The following CACNA1A variants were observed in gnomAD, a reference collection of about 807,000 sequenced individuals.
CACNA1A encodes voltage-dependent P/Q-type calcium channel subunit alpha-1A.
A neutral mutation model predicts 262.4 loss-of-function variants in CACNA1A; 57 were observed. That is an observed-to-expected ratio of 0.22 (90% CI 0.18 to 0.27). CACNA1A has a LOEUF of 0.27. CACNA1A is among the 10% of genes least tolerant of loss of function. The probability of loss-of-function intolerance (pLI) is 1.00; values close to 1 mark genes in which losing one functional copy is unlikely to be tolerated. For synonymous variants in CACNA1A, 1,431 were observed against 1,419.3 expected (o/e 1.01, Z -0.18); for missense variants, 2,526 against 3,562.8 (o/e 0.71, Z 7.41).
chr19:13,399,436 A>G (rs1599369171), intron 3 of CACNA1A, among the ~76,000 whole-genome samples: 1 of 116,880 alleles, frequency 8.6e-6, no homozygotes, highest in Non-Finnish European at 1.5e-5. Context: ...GAGAAAAGGA[A>G]AAAAAAAAAA....
chr19:13,269,398 G>A (rs1014329514), intron 24 of CACNA1A, among the ~76,000 whole-genome samples: 4 of 152,176 alleles, frequency 2.6e-5, no homozygotes, highest in Admixed American at 6.5e-5. Context: ...TGGGTATCTC[G>A]CACTCTAATC....
intron 38 of CACNA1A, among the ~76,000 whole-genome samples, chr19:13,216,647 TTATCTATCTATCTATC>T (rs71168686): frequency 1.6e-3 from 233 of 149,348 alleles, no homozygotes; most frequent in South Asian, 2.1e-3. Flanking sequence ...TTTTAAAAAT[TTATCTATCTATCTATC>T]TATCTATCTA....
chr19:13,434,188 G>A (rs573344337), intron 3 of CACNA1A, among the ~76,000 whole-genome samples: 5 of 152,134 alleles, frequency 3.3e-5, no homozygotes, highest in African/African-American at 4.8e-5. Flanking sequence ...ATAAGTTTTC[G>A]CCCTGTCACC....
At chr19:13,466,155 T>A (rs750330086) in intron 1 of CACNA1A, among the ~76,000 whole-genome samples, 1 of 152,094 alleles carries the variant, frequency 6.6e-6, no homozygotes, top group African/African-American at 2.4e-5. Context: ...AAATGGTTAA[T>A]TTTCTGTTAT....
intron 25 of CACNA1A, chr19:13,262,394 C>G (rs577099703): frequency 4.9e-5 from 10 of 204,304 alleles, no homozygotes; most frequent in African/African-American, 2.3e-4. Flanking sequence ...GATGAAAAGT[C>G]AAAATTTTAT....
intron 24 of CACNA1A, chr19:13,275,608 C>G (rs1359641107): frequency 1.3e-5 from 7 of 542,662 alleles, no homozygotes; most frequent in Non-Finnish European, 2.3e-5. Context: ...GTGGCTGAGG[C>G]CCGTTGCTGT....
intron 28 of CACNA1A, among the ~76,000 whole-genome samples, chr19:13,255,749 C>G (rs1292991089): frequency 1.7e-5 from 2 of 115,266 alleles, no homozygotes; most frequent in Non-Finnish European, 3.6e-5. Flanking sequence ...CCCTCCCTCC[C>G]TCCTTCCCTC....
Position 13,207,854 on chromosome 19 carries a change from A to G in CACNA1A, c.6980T>C (p.Val2327Ala). ...QQQQQQQQQA[V>A]ARPGRAATSG... is the part of the protein sequence containing the mutation. ...GGTGGCCGCCCGGCCCGGCCTGGCC[A>G]CCGCCTGCTGCTGCTGCTGCTGCTG... is the stretch of plus-strand genomic sequence containing the variant. The change falls in exon 47 of 47, where the codon GTG becomes GCG. Residue 2327 changes from valine (V) to alanine (A), a missense_variant. Coordinates refer to ENST00000360228, the MANE Select transcript of CACNA1A (RefSeq NM_001127222.2). The surrounding 1 kb of genome is among the most constrained non-coding windows in gnomAD (Gnocchi z 5.7). 1 of 1,437,416 alleles carries G rather than the reference A, an allele frequency of 7.0e-7. No homozygotes were observed. The highest frequency in any genetic ancestry group is 9.1e-7 in the Non-Finnish European group (1 of 1,103,552). 89.0% of individuals were successfully genotyped at this position (1,437,416 alleles called of 1,614,324 possible). A position where few individuals can be genotyped will look rare whatever the true frequency, so the allele number is the denominator to read the frequency against.
chr19:13,490,525 C>T (rs1980635173), intron 1 of CACNA1A, among the ~76,000 whole-genome samples: 1 of 151,940 alleles, frequency 6.6e-6, no homozygotes, highest in Non-Finnish European at 1.5e-5. Flanking sequence ...ATTGCTTGAA[C>T]CGGGAGGCAG....
chr19:13,208,571 G>T (rs1476293547), intron 46 of CACNA1A, among the ~76,000 whole-genome samples, 185 bp downstream of exon 46: 10 of 152,110 alleles, frequency 6.6e-5, no homozygotes, highest in Middle Eastern at 3.4e-3. Flanking sequence ...TAGGCAGCTG[G>T]TGTGGTGGGG....
intron 1 of CACNA1A, among the ~76,000 whole-genome samples, chr19:13,500,424 T>TA (rs1318337395): frequency 6.6e-6 from 1 of 152,186 alleles, no homozygotes; most frequent in Non-Finnish European, 1.5e-5. Flanking sequence ...TGCAGGCACA[T>TA]AGCTTTGAAT....
At chr19:13,209,141 TG>T (rs1470855036) in intron 45 of CACNA1A, 132 bp from the exon 46 acceptor site, 79 of 1,385,698 alleles carry the variant, frequency 5.7e-5, no homozygotes, top group Middle Eastern at 2.1e-4. Flanking sequence ...GTCAGTGGGT[TG>T]GGGGGAGGGG....
chr19:13,283,083 G>A (rs138280828), intron 22 of CACNA1A, among the ~76,000 whole-genome samples, 184 bp downstream of exon 22: 14 of 152,256 alleles, frequency 9.2e-5, no homozygotes, highest in Non-Finnish European at 1.9e-4. Context: ...CTGCCTCAAG[G>A]AATGTCTTGC....
In CACNA1A at chr19:13,286,562, T is replaced by C; in HGVS notation, c.3494A>G (p.His1165Arg). ...NSAKTARKPDHTTVDIPPACP... is the reference protein window; with the variant it reads ...NSAKTARKPDRTTVDIPPACP... Reference sequence around the variant, plus strand: ...GGCTGGGGGGATGTCCACTGTGGTGTGGTCGGGTTTCCTGGCAGTCTTAGC... The same window carrying C: ...GGCTGGGGGGATGTCCACTGTGGTGCGGTCGGGTTTCCTGGCAGTCTTAGC... Residue 1165 changes from histidine to arginine, a missense_variant, in exon 20 of 47, where the codon CAC (histidine) becomes CGC (arginine). Physicochemically the swap from His to Arg is conservative, Grantham distance 29. Transcript: ENST00000360228. 1 of 1,532,450 alleles carries C rather than the reference T, an allele frequency of 6.5e-7. No homozygotes were observed. The highest frequency in any genetic ancestry group is 1.4e-5 in the African/African-American group (1 of 70,418). 94.9% of individuals were successfully genotyped at this position (1,532,450 alleles called of 1,614,324 possible).
At chr19:13,346,637 TATATATATATATATATATATA>T (rs1568557108) in intron 6 of CACNA1A, among the ~76,000 whole-genome samples, 36 of 5,328 alleles carry the variant, frequency 6.8e-3, no homozygotes, top group Non-Finnish European at 0.016. Context: ...TATATATATA[TATATATATATATATATATATA>T]TATATATATT....
chr19:13,241,560 G>T lies in CACNA1A; in HGVS notation c.4950+3622C>A, dbSNP rs773150609. On this transcript the variant is annotated intron_variant, in intron 31 of 46. Coordinates refer to ENST00000360228, the MANE Select transcript of CACNA1A (RefSeq NM_001127222.2). The surrounding 1 kb of genome is among the most constrained non-coding windows in gnomAD (Gnocchi z 4.0). ...AGATGTTGAAGATGAGGGGGAGCGG[G>T]CGGGCGGGGGCAGTTGGGGAGGCGT... The T allele has an allele frequency of 2.5e-6, 3 of 1,220,594 alleles. No individual in the cohort carries two copies. Among genetic ancestry groups the T allele is most frequent in the Non-Finnish European group, 3.5e-6 (3 of 855,548 alleles). 75.6% of individuals were successfully genotyped at this position (1,220,594 alleles called of 1,614,324 possible). A position where few individuals can be genotyped will look rare whatever the true frequency, so the allele number is the denominator to read the frequency against.
At chr19:13,233,235 C>T (rs557533534) in intron 34 of CACNA1A, among the ~76,000 whole-genome samples, 3 of 152,142 alleles carry the variant, frequency 2.0e-5, no homozygotes, top group Admixed American at 6.5e-5. Context: ...CCCCATATAC[C>T]CACTGACTCC....
rs2057338204 is a variant in CACNA1A, at chr19:13,283,581, A to AG, written c.3693-186dup. Reference sequence around the variant, plus strand: ...GGGTCCTGGAACCCCAAGAAGGCAGAGGGGACCTCGGTGAGAGAAGACATT... The same window carrying AG: ...GGGTCCTGGAACCCCAAGAAGGCAGAGGGGGACCTCGGTGAGAGAAGACATT... On this transcript the variant is annotated intron_variant, in intron 21 of 46. Coordinates refer to ENST00000360228, the MANE Select transcript of CACNA1A (RefSeq NM_001127222.2). The AG allele has an allele frequency of 7.7e-6, 5 of 648,954 alleles. No individual in the cohort carries two copies. The African/African-American group carries it at 9.1e-5, about 12-fold the overall frequency. 40.2% of individuals were successfully genotyped at this position (648,954 alleles called of 1,614,324 possible). A position where few individuals can be genotyped will look rare whatever the true frequency, so the allele number is the denominator to read the frequency against.
intron 3 of CACNA1A, among the ~76,000 whole-genome samples, chr19:13,380,749 G>GTTTATTTATTTATTTA (rs758031682): frequency 1.2e-4 from 10 of 80,968 alleles, no homozygotes; most frequent in South Asian, 3.5e-4. Flanking sequence ...TTGTTTGTTT[G>GTTTATTTATTTATTTA]TTTATTTATT....
Sources: gnomAD v4.1 joint callset for allele counts (sites outside exome capture counted in the v4.1 genomes callset) on GRCh38, gnomAD v4.1.1 for gene constraint, Gnocchi (gnomAD v3.1) non-coding constraint, MANE v1.5 for transcripts, NCBI Gene and HGNC (gene_info 2026-07-23, HGNC 2026-07-21) for gene names.